The following C10orf90 variants were observed in gnomAD, a reference collection of about 807,000 sequenced individuals.
The protein encoded by C10orf90 is chromosome 10 open reading frame 90.
C10orf90 carries 56 observed loss-of-function variants against 62.5 expected under a neutral mutation model. That is an observed-to-expected ratio of 0.90 (90% CI 0.72 to 1.12). The LOEUF is 1.12. C10orf90 is among the 50% of genes most tolerant of loss of function. The pLI is 0.00. For missense variants in C10orf90, 970 were observed against 880.4 expected, an observed-to-expected ratio of 1.10 and a Z score of -1.29; for synonymous variants, 386 against 340.4, an observed-to-expected ratio of 1.13 and a Z score of -1.47.
intron 7 of C10orf90, among the ~76,000 whole-genome samples, chr10:126,449,872 C>T: frequency 6.6e-6 from 1 of 151,872 alleles, no homozygotes; most frequent in South Asian, 2.1e-4. Flanking sequence ...TGGCATGTAC[C>T]TGTAGTTCCA....
chr10:126,478,417 T>C (rs1385446184), intron 4 of C10orf90, among the ~76,000 whole-genome samples: 1 of 152,212 alleles, frequency 6.6e-6, no homozygotes, highest in African/African-American at 2.4e-5. Flanking sequence ...CATGAGCCTT[T>C]GTTATAATTG....
chr10:126,461,672 T>C, intron 5 of C10orf90, 87 bp from the exon 6 acceptor site: 1 of 1,352,312 alleles, frequency 7.4e-7, no homozygotes, highest in South Asian at 1.3e-5. Flanking sequence ...AGAAGACAAT[T>C]TTGAAAATAG....
At chr10:126,646,380 C>T (rs192469269) in intron 2 of C10orf90, among the ~76,000 whole-genome samples, 185 bp downstream of exon 2, 1 of 152,292 alleles carries the variant, frequency 6.6e-6, no homozygotes, top group East Asian at 1.9e-4. Context: ...AGCCTCACTG[C>T]CTGGCTGTTT....
intron 2 of C10orf90, among the ~76,000 whole-genome samples, chr10:126,616,104 C>A (rs1217288278): frequency 1.3e-5 from 2 of 152,230 alleles, no homozygotes; most frequent in Non-Finnish European, 2.9e-5. Flanking sequence ...GGCCCCCCAC[C>A]ACCCAAGACC....
chr10:126,630,251 C>G (rs985245521), intron 2 of C10orf90, among the ~76,000 whole-genome samples: 1 of 152,174 alleles, frequency 6.6e-6, no homozygotes, highest in African/African-American at 2.4e-5. Flanking sequence ...ATGTTGAAGG[C>G]CTTCATTCAG....
At chr10:126,446,853 A>G (rs1482716247) in intron 7 of C10orf90, among the ~76,000 whole-genome samples, 1 of 152,098 alleles carries the variant, frequency 6.6e-6, no homozygotes, top group Non-Finnish European at 1.5e-5. Context: ...ATATATAAAA[A>G]TATGTAAACT....
chr10:126,623,858 A>G (rs895177693), intron 2 of C10orf90, among the ~76,000 whole-genome samples: 1 of 151,226 alleles, frequency 6.6e-6, no homozygotes, highest in Non-Finnish European at 1.5e-5. Flanking sequence ...AAAAAAAAAA[A>G]GAATGAGAGC....
intron 4 of C10orf90, among the ~76,000 whole-genome samples, chr10:126,489,101 C>T (rs1861584787): frequency 6.6e-6 from 1 of 151,912 alleles, no homozygotes; most frequent in Non-Finnish European, 1.5e-5. Context: ...ATATTCCTCA[C>T]AAACATAAAT....
chr10:126,642,433 G>A (rs1846082829), intron 2 of C10orf90, among the ~76,000 whole-genome samples: 1 of 152,128 alleles, frequency 6.6e-6, no homozygotes, highest in African/African-American at 2.4e-5. Flanking sequence ...TCGGGAGACT[G>A]AGGCAGGACA....
intron 2 of C10orf90, among the ~76,000 whole-genome samples, chr10:126,617,635 CTG>C (rs1439231747): frequency 6.6e-6 from 1 of 152,234 alleles, no homozygotes; most frequent in Non-Finnish European, 1.5e-5. Context: ...TTCTCCACCA[CTG>C]TGTCTCATTT....
At chr10:126,591,497 C>A (rs1169736560) in intron 2 of C10orf90, among the ~76,000 whole-genome samples, 16 of 152,152 alleles carry the variant, frequency 1.1e-4, no homozygotes, top group Non-Finnish European at 2.9e-5. Context: ...AATTCAACAT[C>A]CCTTCATGTT....
At chr10:126,648,447 A>T (rs539326117) in intron 1 of C10orf90, among the ~76,000 whole-genome samples, 1 of 152,242 alleles carries the variant, frequency 6.6e-6, no homozygotes, top group African/African-American at 2.4e-5. Context: ...ATGGTCTGTT[A>T]TAGCAGCACA....
intron 2 of C10orf90, among the ~76,000 whole-genome samples, chr10:126,625,823 T>C (rs1256727265): frequency 6.6e-6 from 1 of 152,082 alleles, no homozygotes; most frequent in African/African-American, 2.4e-5. Context: ...TTCACAAATG[T>C]GGGCAGGTGG....
chr10:126,524,875 T>G (rs987537186), intron 2 of C10orf90: 1 of 963,524 alleles, frequency 1.0e-6, no homozygotes, highest in African/African-American at 1.8e-5. Context: ...AAAACGCCAT[T>G]ATTTCCATCA....
intron 2 of C10orf90, among the ~76,000 whole-genome samples, chr10:126,630,226 C>T (rs973635585): frequency 3.9e-5 from 6 of 152,192 alleles, no homozygotes; most frequent in African/African-American, 4.8e-5. Flanking sequence ...TTCACCAACA[C>T]GCTGCTCTGC....
chr10:126,640,072 T>G (rs1846029800), intron 2 of C10orf90, among the ~76,000 whole-genome samples: 1 of 152,248 alleles, frequency 6.6e-6, no homozygotes, highest in African/African-American at 2.4e-5. Flanking sequence ...CAGACTCAAA[T>G]GCATCCTCTT....
chr10:126,467,703 A>G (rs1860369598), intron 4 of C10orf90, among the ~76,000 whole-genome samples: 1 of 152,218 alleles, frequency 6.6e-6, no homozygotes, highest in Non-Finnish European at 1.5e-5. Context: ...GACATGCCGT[A>G]GCGCAATAAT....
intron 8 of C10orf90, among the ~76,000 whole-genome samples, chr10:126,428,572 C>T (rs1041138296): frequency 2.0e-5 from 3 of 152,108 alleles, no homozygotes; most frequent in African/African-American, 7.2e-5. Context: ...ACCTAGCTCA[C>T]TCGTCCTCTT....
chr10:126,443,921 G>A (rs1454219799), intron 7 of C10orf90, among the ~76,000 whole-genome samples: 2 of 151,838 alleles, frequency 1.3e-5, no homozygotes, highest in South Asian at 2.1e-4. Flanking sequence ...AAAAACAAAT[G>A]TCATACGATC....
Sources: allele counts gnomAD v4.1 joint callset (sites outside exome capture counted in the v4.1 genomes callset), GRCh38; gene constraint gnomAD v4.1.1; transcripts MANE v1.5; gene names NCBI Gene and HGNC (gene_info 2026-07-23, HGNC 2026-07-21).